COL23A1: variants seen among roughly 807,000 people sequenced by gnomAD.
COL23A1 encodes the protein collagen alpha-1(XXIII) chain.
In COL23A1, 97 loss-of-function variants were observed where a neutral mutation model predicts 99.3. That is an observed-to-expected ratio of 0.98 (90% CI 0.83 to 1.16). The LOEUF (loss-of-function observed/expected upper bound fraction) is 1.16, where lower values mean the gene tolerates loss of function less well. COL23A1 is among the 50% of genes most tolerant of loss of function. COL23A1 has a pLI of 0.00. For missense variants in COL23A1, 762 were observed against 757.4 expected, an observed-to-expected ratio of 1.01 and a Z score of -0.07; for synonymous variants, 320 against 308.2, an observed-to-expected ratio of 1.04 and a Z score of -0.40.
At chr5:178,538,700 G>A (rs1247129785) in intron 2 of COL23A1, among the ~76,000 whole-genome samples, 9 of 152,176 alleles carry the variant, frequency 5.9e-5, no homozygotes, top group South Asian at 2.1e-4. Flanking sequence ...AATGAAGCAC[G>A]TGAGTTAGCA....
At chr5:178,520,384 A>AC in intron 2 of COL23A1, among the ~76,000 whole-genome samples, 1 of 152,304 alleles carries the variant, frequency 6.6e-6, no homozygotes, top group Non-Finnish European at 1.5e-5. Context: ...AACACCTCAT[A>AC]CGACTCCTAC....
At chr5:178,444,465 G>A (rs78089641) in intron 2 of COL23A1, among the ~76,000 whole-genome samples, 2,761 of 152,262 alleles carry the variant, frequency 0.018, 74 homozygotes, top group African/African-American at 0.063. Flanking sequence ...AGAGGCAAAT[G>A]ACATGAGATG....
chr5:178,307,643 C>T lies in COL23A1; in HGVS notation c.362-724G>A, dbSNP rs1329739631. On this transcript the variant is annotated intron_variant, in intron 2 of 28. Transcript: ENST00000390654. This position sits in a 1 kb window ranked among gnomAD's most constrained non-coding sequence, Gnocchi z 4.2. ...AGAGTAACCTCAGCGCTGAAGGAGA[C>T]GCTTTGACTCTGGCCGTGGGAGCAG... Among the ~76,000 whole-genome samples the T allele has an allele frequency of 2.6e-5, 4 of 152,344 alleles. No individual in the cohort carries two copies. The East Asian group carries it at 5.8e-4, about 22-fold the overall frequency.
At chr5:178,399,894 C>G (rs943657119) in intron 2 of COL23A1, among the ~76,000 whole-genome samples, 3 of 152,160 alleles carry the variant, frequency 2.0e-5, no homozygotes, top group African/African-American at 7.2e-5. Context: ...TCATTCCCTT[C>G]GGCTCATCTG....
intron 20 of COL23A1, 81 bp from the exon 21 acceptor site, chr5:178,247,912 G>A (rs1018551906): frequency 8.1e-7 from 1 of 1,236,726 alleles, no homozygotes; most frequent in Non-Finnish European, 1.1e-6. Context: ...GCACACTGCT[G>A]GATCGAGAGT....
intron 9 of COL23A1, 119 bp from the exon 10 acceptor site, chr5:178,262,371 C>T (rs1765680293): frequency 1.1e-6 from 1 of 934,760 alleles, no homozygotes; most frequent in Non-Finnish European, 1.6e-6. Flanking sequence ...TCATTCTCGC[C>T]AAACCTGAAG....
intron 2 of COL23A1, among the ~76,000 whole-genome samples, chr5:178,536,084 G>A (rs1394077565): frequency 1.3e-5 from 2 of 152,262 alleles, no homozygotes; most frequent in African/African-American, 4.8e-5. Context: ...GGCTGTCCCT[G>A]GCTCTGAGGC....
chr5:178,403,178 A>G (rs1764566796), intron 2 of COL23A1, among the ~76,000 whole-genome samples: 1 of 151,968 alleles, frequency 6.6e-6, no homozygotes, highest in South Asian at 2.1e-4. Context: ...TCAGACACAT[A>G]TCAAACTGTT....
intron 2 of COL23A1, among the ~76,000 whole-genome samples, chr5:178,539,563 AAAAAAG>A (rs1761174438): frequency 1.4e-5 from 2 of 146,812 alleles, no homozygotes; most frequent in Non-Finnish European, 3.0e-5. Flanking sequence ...AAAAAAAAAA[AAAAAAG>A]AAAAAGAAAG....
intron 2 of COL23A1, among the ~76,000 whole-genome samples, chr5:178,346,159 G>T (rs1000404758): frequency 2.6e-5 from 4 of 151,888 alleles, no homozygotes; most frequent in Non-Finnish European, 5.9e-5. Flanking sequence ...GCTGTAAATT[G>T]TCAGGAATGA....
chr5:178,315,152 C>A (rs562020749), intron 2 of COL23A1, among the ~76,000 whole-genome samples: 2 of 152,078 alleles, frequency 1.3e-5, no homozygotes, highest in South Asian at 2.1e-4. Context: ...GAGTTAGGAG[C>A]GGATTTAGTT....
In COL23A1 at chr5:178,371,548, C is replaced by T. The variant is rs142618042; in HGVS notation, c.362-64629G>A. 1.4e-3 allele frequency among the ~76,000 whole-genome samples: 216 copies of T among 152,282 alleles called. 4 individuals are homozygous for T. The South Asian group carries it at 0.031, about 22-fold the overall frequency. On this transcript the variant is annotated intron_variant, in intron 2 of 28. Transcript: ENST00000390654. ...TGGTATCAGCCCTGAACACTGGACA[C>T]GCGGCGACGGGCCTGAGCCTCCCTC...
At chr5:178,548,553 CTTT>C (rs3065159) in intron 2 of COL23A1, among the ~76,000 whole-genome samples, 113 of 124,556 alleles carry the variant, frequency 9.1e-4, no homozygotes, top group Admixed American at 9.9e-4. Context: ...TTTGCCTATT[CTTT>C]TTTTTTTTTT....
chr5:178,498,225 T>TATATATATATATATATATATATATATAC, intron 2 of COL23A1, among the ~76,000 whole-genome samples: 1 of 50,076 alleles, frequency 2.0e-5, no homozygotes, highest in South Asian at 8.8e-4. Flanking sequence ...TATATATATA[T>TATATATATATATATATATATATATATAC]ATATATATAT....
intron 2 of COL23A1, among the ~76,000 whole-genome samples, chr5:178,357,770 ATGTG>A (rs1036298895): frequency 2.4e-5 from 3 of 125,472 alleles, no homozygotes; most frequent in Non-Finnish European, 3.4e-5. Flanking sequence ...ACGTGTATGT[ATGTG>A]TGTATGTGTA....
chr5:178,380,239 G>A (rs1276168283), intron 2 of COL23A1, among the ~76,000 whole-genome samples: 1 of 152,198 alleles, frequency 6.6e-6, no homozygotes, highest in Non-Finnish European at 1.5e-5. Context: ...GCAGGATGAA[G>A]ACCAGAACCT....
chr5:178,558,725 A>AT (rs1762405526), intron 2 of COL23A1, among the ~76,000 whole-genome samples: 1 of 151,852 alleles, frequency 6.6e-6, no homozygotes, highest in Non-Finnish European at 1.5e-5. Context: ...CATTTTACAC[A>AT]TTTTGCAGAT....
At chr5:178,314,233 C>G (rs954437201) in intron 2 of COL23A1, among the ~76,000 whole-genome samples, 1 of 152,170 alleles carries the variant, frequency 6.6e-6, no homozygotes, top group Admixed American at 6.5e-5. Flanking sequence ...TTACGTCCCC[C>G]CCAGAGTCAT....
intron 2 of COL23A1, among the ~76,000 whole-genome samples, chr5:178,332,549 T>C (rs377502626): frequency 3.3e-5 from 5 of 152,322 alleles, no homozygotes; most frequent in African/African-American, 1.2e-4. Flanking sequence ...CTATAAATCC[T>C]GAGAAACTCC....
Sources: gnomAD v4.1 joint callset for allele counts (sites outside exome capture counted in the v4.1 genomes callset) on GRCh38, gnomAD v4.1.1 for gene constraint, Gnocchi (gnomAD v3.1) non-coding constraint, MANE v1.5 for transcripts, NCBI Gene and HGNC (gene_info 2026-07-23, HGNC 2026-07-21) for gene names.